Variants in AK8 observed in about 807,000 individuals in gnomAD.
The protein encoded by AK8 is ATP-AMP transphosphorylase 8.
In AK8, 44 loss-of-function variants were observed where a neutral mutation model predicts 54.6. The observed-to-expected ratio is 0.81, with a 90% CI of 0.63 to 1.04. AK8 has a LOEUF of 1.04. Among genes scored for constraint, AK8 ranks in the 50% least tolerant of loss-of-function variants. The pLI, the probability that AK8 is intolerant of heterozygous loss-of-function variation, is 0.00. For synonymous variants in AK8, 239 were observed against 245.6 expected (o/e 0.97, Z 0.25); for missense variants, 555 against 613.6 (o/e 0.90, Z 1.01).
chr9:132,844,849 C>T (rs1842686902), intron 5 of AK8, among the ~76,000 whole-genome samples: 2 of 152,242 alleles, frequency 1.3e-5, no homozygotes, highest in African/African-American at 2.4e-5. Flanking sequence ...GTGAAGCTCT[C>T]ACCAGAGTAA....
At chr9:132,764,427 G>C (rs111393085) in intron 11 of AK8, among the ~76,000 whole-genome samples, 12 of 152,134 alleles carry the variant, frequency 7.9e-5, no homozygotes, top group African/African-American at 1.9e-4. Flanking sequence ...CAATTAGCTT[G>C]ATTAACAAGA....
chr9:132,770,697 G>C lies in AK8; in HGVS notation c.1121+21937C>G, dbSNP rs913166634. Among the ~76,000 whole-genome samples the C allele has an allele frequency of 2.6e-5, 4 of 152,202 alleles. No individual in the cohort carries two copies. The highest frequency in any genetic ancestry group is 9.6e-5 in the African/African-American group (4 of 41,466). ...ACCGGGACAAGGCAGGGAAGAGCGG[G>C]ATGGGTCGGCCCCTTCAAGGGGAGC... On this transcript the variant is annotated intron_variant, in intron 11 of 12. Coordinates refer to ENST00000298545, the MANE Select transcript of AK8 (RefSeq NM_152572.3). The surrounding 1 kb of genome is among the most constrained non-coding windows in gnomAD (Gnocchi z 4.3).
At chr9:132,821,597 T>C (rs527354729) in intron 9 of AK8, among the ~76,000 whole-genome samples, 10 of 152,026 alleles carry the variant, frequency 6.6e-5, no homozygotes, top group Non-Finnish European at 1.5e-4. Flanking sequence ...CTGGTCTCAG[T>C]GGCTTTAGAA....
intron 11 of AK8, among the ~76,000 whole-genome samples, chr9:132,751,385 A>C (rs986861987): frequency 2.7e-5 from 4 of 150,596 alleles, no homozygotes; most frequent in Non-Finnish European, 4.4e-5. Context: ...CTCCAAAAAA[A>C]AAAAAAAAAA....
chr9:132,830,942 C>T (rs891246491), intron 5 of AK8, among the ~76,000 whole-genome samples: 3 of 152,154 alleles, frequency 2.0e-5, no homozygotes, highest in Non-Finnish European at 4.4e-5. Context: ...TGTAATAGGG[C>T]TGCATTCCAG....
chr9:132,755,624 CT>C (rs1234105946), intron 11 of AK8, among the ~76,000 whole-genome samples: 2 of 152,186 alleles, frequency 1.3e-5, no homozygotes, highest in African/African-American at 2.4e-5. Flanking sequence ...TTCCTATTTG[CT>C]GAGAGCCATA....
At chr9:132,811,554 G>A (rs1841007847) in intron 10 of AK8, among the ~76,000 whole-genome samples, 1 of 152,258 alleles carries the variant, frequency 6.6e-6, no homozygotes, top group African/African-American at 2.4e-5. Context: ...CTGGATTTCA[G>A]GACTTCTGAC....
At chr9:132,863,372 A>G (rs1046638274) in intron 4 of AK8, among the ~76,000 whole-genome samples, 3 of 152,244 alleles carry the variant, frequency 2.0e-5, no homozygotes, top group Non-Finnish European at 4.4e-5. Flanking sequence ...AAGAAGAAAA[A>G]GAGCAAGCCT....
intron 10 of AK8, among the ~76,000 whole-genome samples, chr9:132,804,104 C>CAA (rs200556575): frequency 1.4e-3 from 128 of 92,212 alleles, no homozygotes; most frequent in Non-Finnish European, 1.7e-3. Context: ...GACTCCATCT[C>CAA]AAAAAAAAAA....
At chr9:132,730,958 C>T (rs920466535) in intron 11 of AK8, among the ~76,000 whole-genome samples, 1 of 152,198 alleles carries the variant, frequency 6.6e-6, no homozygotes, top group Admixed American at 6.5e-5. Flanking sequence ...CTTGTAGACG[C>T]CTTTTCATTC....
chr9:132,878,687 G>T (rs891927723), upstream of AK8: 30 of 991,704 alleles, frequency 3.0e-5, no homozygotes, highest in South Asian at 5.2e-4. This position sits in a 1 kb window ranked among gnomAD's most constrained non-coding sequence, Gnocchi z 4.7. Context: ...GTGGGGGAGG[G>T]TGTTTGAAGG....
chr9:132,779,388 C>G (rs1414406655), intron 11 of AK8, among the ~76,000 whole-genome samples: 1 of 152,248 alleles, frequency 6.6e-6, no homozygotes, highest in Non-Finnish European at 1.5e-5. Flanking sequence ...GGGGCACGAT[C>G]ATAGCTCACT....
At chr9:132,744,214 A>G (rs549885106) in intron 11 of AK8, among the ~76,000 whole-genome samples, 12 of 152,308 alleles carry the variant, frequency 7.9e-5, no homozygotes, top group Admixed American at 6.5e-4. Context: ...CACAGATTCC[A>G]AAAGACCCTT....
At chr9:132,853,570 A>G (rs1425392728) in intron 5 of AK8, among the ~76,000 whole-genome samples, 1 of 151,992 alleles carries the variant, frequency 6.6e-6, no homozygotes. Flanking sequence ...CCAAGGCAGG[A>G]GGACTGCTTG....
chr9:132,747,328 A>G (rs187294036), intron 11 of AK8, among the ~76,000 whole-genome samples: 1 of 151,980 alleles, frequency 6.6e-6, no homozygotes, highest in Non-Finnish European at 1.5e-5. Context: ...TTTAGTAGAG[A>G]TGGGGTTTCA....
At chr9:132,800,608 A>C (rs1840399585) in intron 10 of AK8, among the ~76,000 whole-genome samples, 2 of 151,948 alleles carry the variant, frequency 1.3e-5, no homozygotes, top group Non-Finnish European at 2.9e-5. Flanking sequence ...CAACCTTTCT[A>C]CTCTAATATC....
At chr9:132,804,791 G>C (rs867708775) in intron 10 of AK8, among the ~76,000 whole-genome samples, 11 of 152,258 alleles carry the variant, frequency 7.2e-5, no homozygotes, top group Middle Eastern at 3.4e-3. Flanking sequence ...CTCAGAGCCA[G>C]CTTCTGGTTG....
At chr9:132,857,256 T>C (rs971364941) in intron 4 of AK8, among the ~76,000 whole-genome samples, 44 of 152,310 alleles carry the variant, frequency 2.9e-4, no homozygotes, top group African/African-American at 1.0e-3. Flanking sequence ...TCTGATTCAG[T>C]AGCTCTGGGA....
At chr9:132,871,589 C>A (rs761121222) in intron 2 of AK8, among the ~76,000 whole-genome samples, 1 of 152,218 alleles carries the variant, frequency 6.6e-6, no homozygotes, top group Non-Finnish European at 1.5e-5. Context: ...CTCAGCTATT[C>A]AGGAGGACAG....
Sources: gnomAD v4.1 joint callset for allele counts (sites outside exome capture counted in the v4.1 genomes callset) on GRCh38, gnomAD v4.1.1 for gene constraint, Gnocchi (gnomAD v3.1) non-coding constraint, MANE v1.5 for transcripts, NCBI Gene and HGNC (gene_info 2026-07-23, HGNC 2026-07-21) for gene names.